Variants in WIZ observed in about 807,000 individuals in gnomAD.
WIZ encodes WIZ zinc finger, also known as protein Wiz.
A neutral mutation model predicts 140.2 loss-of-function variants in WIZ; 25 were observed. That is an observed-to-expected ratio of 0.18 (90% confidence interval 0.13 to 0.25). The LOEUF (loss-of-function observed/expected upper bound fraction) is 0.25, where lower values mean the gene tolerates loss of function less well. Among genes scored for constraint, WIZ ranks in the 10% least tolerant of loss-of-function variants. The pLI is 1.00. For missense variants in WIZ, 2,231 were observed against 2,632.6 expected (o/e 0.85, Z 3.34); for synonymous variants, 1,125 against 1,154.3 (o/e 0.97, Z 0.51).
Position 15,421,162 on chromosome 19 carries a change from G to A in WIZ, c.*1914C>T, listed in dbSNP as rs1185681130. On this transcript the variant is annotated 3_prime_UTR_variant, in exon 13 of 13. Transcript: ENST00000673675. ...AAAACTGACTTATGAAAAGTTGAAA[G>A]AGGAAGAAACACCTTTGAGTCAGCT... 6.6e-6 allele frequency: 1 copy of A among 152,280 alleles called. No homozygotes were observed. Among genetic ancestry groups the A allele is most frequent in the Non-Finnish European group, 1.5e-5 (1 of 68,072 alleles). 9.4% of individuals were successfully genotyped at this position (152,280 alleles called of 1,614,324 possible).
chr19:15,440,526 A>G lies in WIZ; in HGVS notation c.468T>C (p.Ala156=). ...SVIVRTMKPH[A]ELEGSRRFLH... ...AGAACCTTCTAGAGCCCTCTAGCTCAGCGTGGGGTTTCATGGTTCTCACAA... is the reference window on the plus strand; with the variant it reads ...AGAACCTTCTAGAGCCCTCTAGCTCGGCGTGGGGTTTCATGGTTCTCACAA... The change falls in exon 4 of 13, where the codon GCT becomes GCC. Residue 156 remains alanine, a synonymous_variant. Coordinates refer to ENST00000673675, the MANE Select transcript of WIZ (RefSeq NM_001371589.1). The surrounding 1 kb of genome is among the most constrained non-coding windows in gnomAD (Gnocchi z 6.2). The G allele has an allele frequency of 8.5e-6, 13 of 1,536,148 alleles. No homozygotes were observed. The highest frequency in any genetic ancestry group is 1.1e-5 in the Non-Finnish European group (13 of 1,146,878).
Position 15,428,512 on chromosome 19 carries a change from C to T in WIZ, c.3416-4G>A, listed in dbSNP as rs944000778. Reference sequence around the variant, plus strand: ...CTGCCCCCGTCACTATCTAAAGCTGCGGAGACAAAACACAGGGGGGGTTCA... The same window carrying T: ...CTGCCCCCGTCACTATCTAAAGCTGTGGAGACAAAACACAGGGGGGGTTCA... On this transcript the variant is annotated splice_polypyrimidine_tract_variant and splice_region_variant and intron_variant, in intron 7 of 12. Transcript: ENST00000673675. The surrounding 1 kb of genome is among the most constrained non-coding windows in gnomAD (Gnocchi z 6.4). The T allele has an allele frequency of 1.2e-5, 18 of 1,535,114 alleles. No individual in the cohort carries two copies. Among genetic ancestry groups the T allele is most frequent in the Admixed American group, 9.8e-5 (5 of 50,946 alleles).
chr19:15,425,641 G>C lies in WIZ; in HGVS notation c.4494C>G (p.Val1498=). The change falls in exon 10 of 13, where the codon GTC becomes GTG. Residue 1498 remains valine (V), a synonymous_variant. Coordinates refer to ENST00000673675, the MANE Select transcript of WIZ (RefSeq NM_001371589.1). ...LRQMGVTEWS[V]NGSPIDTLRE... ...GCAGTGTGTCGATGGGCGAACCATTGACGGACCACTCGGTCACACCCATCT... is the reference window on the plus strand; with the variant it reads ...GCAGTGTGTCGATGGGCGAACCATTCACGGACCACTCGGTCACACCCATCT... The C allele has an allele frequency of 6.2e-7, 1 of 1,613,576 alleles. No homozygotes were observed. The highest frequency in any genetic ancestry group is 8.5e-7 in the Non-Finnish European group (1 of 1,179,912).
At chr19:15,436,338 C>G (rs1969515172) in intron 5 of WIZ, 1 of 155,122 alleles carries the variant, frequency 6.4e-6, no homozygotes, top group African/African-American at 2.4e-5. Context: ...AGCAAAGAAT[C>G]TGGGGCCCAG....
chr19:15,432,646 C>CATATTATTTCTATAGATAGGCAGAT, intron 5 of WIZ: 1 of 149,230 alleles, frequency 6.7e-6, no homozygotes, highest in Non-Finnish European at 1.5e-5. Flanking sequence ...CGCGCGCGGC[C>CATATTATTTCTATAGATAGGCAGAT]CCGCCGCCGC....
Position 15,421,290 on chromosome 19 carries a change from G to A in WIZ, c.*1786C>T, listed in dbSNP as rs560911833. The stretch of plus-strand genomic sequence containing the variant: ...GGCCTTCTGCCACCAGGCGAGATGT[G>A]CGTCCTGACCCCACAGGAGCAGACG... On this transcript the variant is annotated 3_prime_UTR_variant, in exon 13 of 13. Coordinates refer to ENST00000673675, the MANE Select transcript of WIZ (RefSeq NM_001371589.1). The A allele has an allele frequency of 2.0e-4, 31 of 152,378 alleles. No individual in the cohort carries two copies. Among genetic ancestry groups the A allele is most frequent in the African/African-American group, 7.5e-4 (31 of 41,568 alleles). The allele number at this position is 152,378 out of a possible 1,614,324, so 9.4% of individuals were successfully genotyped here. A position where few individuals can be genotyped will look rare whatever the true frequency, so the allele number is the denominator to read the frequency against.
At position 15,430,020 on chromosome 19, in the gene WIZ, G is replaced by A. The variant is rs1261870743; in HGVS notation, c.2981C>T (p.Ala994Val). The change falls in exon 7 of 13, where the codon GCG (alanine) becomes GTG (valine). Residue 994 changes from alanine (A) to valine (V), a missense_variant. Ala to Val is a moderately conservative substitution (Grantham distance 64). This residue lies in a region of WIZ where 24 missense variants were observed against 61.2 expected (regional missense o/e 0.39). Transcript: ENST00000673675. ...FETRKGLSSH[A>V]RSHLRQLGVA... Reference sequence around the variant, plus strand: ...TCCCAGCTGCCGCAGGTGGGAGCGCGCGTGGCTGGACAGGCCCTTTCGGGT... The same window carrying A: ...TCCCAGCTGCCGCAGGTGGGAGCGCACGTGGCTGGACAGGCCCTTTCGGGT... 2 of 1,535,830 alleles carry A rather than the reference G, an allele frequency of 1.3e-6. No homozygotes were observed.
chr19:15,430,190 G>A, intron 6 of WIZ, 101 bp from the exon 7 acceptor site: 1 of 1,421,112 alleles, frequency 7.0e-7, no homozygotes, highest in Non-Finnish European at 9.2e-7. Context: ...AGGCTCCATG[G>A]AAGTGTTTTG....
intron 2 of WIZ, among the ~76,000 whole-genome samples, chr19:15,445,804 C>T (rs921934405): frequency 2.0e-5 from 3 of 152,010 alleles, no homozygotes; most frequent in Non-Finnish European, 2.9e-5. Context: ...GAGGAGGCAG[C>T]GGGCACACCC....
Position 15,422,514 on chromosome 19 carries a change from C to CCAGGCCCCAG in WIZ, c.*552_*561dup, listed in dbSNP as rs1345519212. ...GCATTGTGGGCTCAGTGGGGGGCTC[C>CCAGGCCCCAG]CAGGCCCCAGCAGGCCCCACAGAGG... On this transcript the variant is annotated 3_prime_UTR_variant, in exon 13 of 13. Coordinates refer to ENST00000673675, the MANE Select transcript of WIZ (RefSeq NM_001371589.1). 1 of 152,300 alleles carries CCAGGCCCCAG rather than the reference C, an allele frequency of 6.6e-6. No homozygotes were observed. The allele number at this position is 152,300 out of a possible 1,614,324, so 9.4% of individuals were successfully genotyped here. A position where few individuals can be genotyped will look rare whatever the true frequency, so the allele number is the denominator to read the frequency against.
rs1968347625 is a variant in WIZ at position 15,421,012 on chromosome 19, T to C, written c.*2064A>G. 1.3e-5 allele frequency: 2 copies of C among 152,146 alleles called. No individual in the cohort carries two copies. Among genetic ancestry groups the C allele is most frequent in the South Asian group, 2.1e-4 (1 of 4,820 alleles). 9.4% of individuals were successfully genotyped at this position (152,146 alleles called of 1,614,324 possible). ...ATGCCTGTGATCCCAGCTACCTGGA[T>C]GGCTGAGGCAGGAGAATCACTTGAA... On this transcript the variant is annotated 3_prime_UTR_variant, in exon 13 of 13. Coordinates refer to ENST00000673675, the MANE Select transcript of WIZ (RefSeq NM_001371589.1).
In WIZ at chr19:15,424,415, G is replaced by A. The variant is rs748338115; in HGVS notation, c.5315-37C>T. ...AGGGGGACGGGAGATGAGTGGGAGG[G>A]GTGGATGCTGCAGAGACTTGGAATA... On this transcript the variant is annotated intron_variant, in intron 11 of 12. Coordinates refer to ENST00000673675, the MANE Select transcript of WIZ (RefSeq NM_001371589.1). This position sits in a 1 kb window ranked among gnomAD's most constrained non-coding sequence, Gnocchi z 9.7. 1.3e-6 allele frequency: 2 copies of A among 1,587,764 alleles called. No homozygotes were observed. The highest frequency in any genetic ancestry group is 1.7e-6 in the Non-Finnish European group (2 of 1,171,022).
chr19:15,431,699 C>T (rs1190366853), intron 5 of WIZ, among the ~76,000 whole-genome samples: 3 of 152,208 alleles, frequency 2.0e-5, no homozygotes, highest in African/African-American at 7.2e-5. Context: ...AATGGGGGAC[C>T]AGGGGTGGCC....
intron 1 of WIZ, chr19:15,449,481 G>C (rs1276403610): frequency 1.3e-5 from 2 of 152,394 alleles, no homozygotes; most frequent in African/African-American, 4.8e-5. Context: ...ACGCCCCCCA[G>C]GGGTCGCAGA....
chr19:15,447,953 G>A (rs1000932947), intron 2 of WIZ, 150 bp downstream of exon 2: 1 of 911,078 alleles, frequency 1.1e-6, no homozygotes, highest in Non-Finnish European at 1.7e-6. Flanking sequence ...TGTCAAATAA[G>A]AAACTAAACA....
chr19:15,425,822 AGGAG>A (rs1568290130), intron 9 of WIZ, 54 bp from the exon 10 acceptor site: 656 of 33,760 alleles, frequency 0.019, 60 homozygotes, highest in East Asian at 0.058. Context: ...AGGAGGGAGG[AGGAG>A]GGAGGAGGAG....
At chr19:15,446,146 T>C (rs931544116) in intron 2 of WIZ, among the ~76,000 whole-genome samples, 1 of 152,054 alleles carries the variant, frequency 6.6e-6, no homozygotes, top group Non-Finnish European at 1.5e-5. Flanking sequence ...CTGGCCCCCC[T>C]CAGCAGCCAC....
Position 15,440,254 on chromosome 19 carries a change from G to A in WIZ, c.740C>T (p.Ala247Val). ...GGGTAGGCCCCACTCGGACGGCTGGGCCAGCCCCTCCAGGTCCTCCAGATC... is the reference window on the plus strand; with the variant it reads ...GGGTAGGCCCCACTCGGACGGCTGGACCAGCCCCTCCAGGTCCTCCAGATC... ...REDLEDLEGL[A>V]QPSEWGLPTS... Residue 247 changes from alanine (A) to valine (V), a missense_variant, in exon 4 of 13, where the codon GCC becomes GTC. By Grantham distance (64) the Ala-to-Val change is moderately conservative. Around this residue, in one of 15 missense-constraint regions of WIZ, gnomAD observed 307 missense variants for 294.1 expected, o/e 1.04. Transcript: ENST00000673675. This position sits in a 1 kb window ranked among gnomAD's most constrained non-coding sequence, Gnocchi z 6.2. 6.7e-6 allele frequency: 10 copies of A among 1,492,242 alleles called. No individual in the cohort carries two copies. The highest frequency in any genetic ancestry group is 1.4e-5 in the African/African-American group (1 of 71,718). The allele number at this position is 1,492,242 out of a possible 1,614,324, so 92.4% of individuals were successfully genotyped here.
At position 15,421,887 on chromosome 19, in the gene WIZ, A is replaced by C. The variant is rs1335813137; in HGVS notation, c.*1189T>G. 6.6e-6 allele frequency: 1 copy of C among 151,660 alleles called. No homozygotes were observed. The highest frequency in any genetic ancestry group is 2.4e-5 in the African/African-American group (1 of 41,198). 9.4% of individuals were successfully genotyped at this position (151,660 alleles called of 1,614,324 possible). On this transcript the variant is annotated 3_prime_UTR_variant, in exon 13 of 13. Transcript: ENST00000673675. ...GAGCCGCTTTGCCAGCCAGCCAGAG[A>C]CCCCCTCCCAGCCATGGCCTAAAGA...
Sources: gnomAD v4.1 joint callset for allele counts (sites outside exome capture counted in the v4.1 genomes callset) on GRCh38, gnomAD v4.1.1 for gene constraint, gnomAD v4.1.1 regional missense constraint, Gnocchi (gnomAD v3.1) non-coding constraint, MANE v1.5 for transcripts, NCBI Gene and HGNC (gene_info 2026-07-23, HGNC 2026-07-21) for gene names.